Variants in CHD9 observed in about 807,000 individuals in gnomAD.
The protein encoded by CHD9 is ATP-dependent chromatin remodeler CHD9.
CHD9 carries 77 observed loss-of-function variants against 316.1 expected under a neutral mutation model. The ratio of observed to expected loss-of-function variants is 0.24; its 90% CI spans 0.20 to 0.29. The LOEUF (loss-of-function observed/expected upper bound fraction) is 0.29. CHD9 is among the 10% of genes least tolerant of loss of function. The probability of loss-of-function intolerance (pLI) is 1.00; values close to 1 mark genes in which losing one functional copy is unlikely to be tolerated. For synonymous variants in CHD9, 1,129 were observed against 1,158.3 expected (o/e 0.97, Z 0.51); for missense variants, 2,763 against 3,438.1 (o/e 0.80, Z 4.91).
chr16:53,314,624 T>C lies in CHD9; in HGVS notation c.7362+108T>C, dbSNP rs967245070. The stretch of plus-strand genomic sequence containing the variant: ...TTTTATAGACTATTAGTAAGGAAAT[T>C]AGAAGTATGCCATATAATTTTAGAT... On this transcript the variant is annotated intron_variant, in intron 35 of 38. Coordinates refer to ENST00000447540, the MANE Select transcript of CHD9 (RefSeq NM_001308319.2). 5.9e-6 allele frequency: 6 copies of C among 1,012,314 alleles called. No homozygotes were observed. In the Admixed American group the frequency reaches 9.0e-5, roughly 15 times the overall value. 62.7% of individuals were successfully genotyped at this position (1,012,314 alleles called of 1,614,324 possible). A position where few individuals can be genotyped will look rare whatever the true frequency, so the allele number is the denominator to read the frequency against.
Position 53,309,945 on chromosome 16 carries a change from A to C in CHD9, c.7222+1091A>C, listed in dbSNP as rs138671006. ...AAGTACTAGTTGTCAATTCAAGCAA[A>C]TAAGTGTCTTGAATTTCCCTTCCTT... On this transcript the variant is annotated intron_variant, in intron 34 of 38. Coordinates refer to ENST00000447540, the MANE Select transcript of CHD9 (RefSeq NM_001308319.2). 1.9e-3 allele frequency among the ~76,000 whole-genome samples: 286 copies of C among 152,342 alleles called. 1 individual carries two copies. The highest frequency in any genetic ancestry group is 6.8e-3 in the Middle Eastern group (2 of 294).
At chr16:53,139,377 T>TTA in intron 1 of CHD9, among the ~76,000 whole-genome samples, 1 of 152,152 alleles carries the variant, frequency 6.6e-6, no homozygotes, top group Non-Finnish European at 1.5e-5. Context: ...ATTAATAAGG[T>TTA]GCTAATCATA....
At chr16:53,203,641 T>C (rs1421835128) in intron 2 of CHD9, among the ~76,000 whole-genome samples, 1 of 152,204 alleles carries the variant, frequency 6.6e-6, no homozygotes, top group Non-Finnish European at 1.5e-5. Flanking sequence ...AATGCAGTTA[T>C]ATCTCTGTTG....
chr16:53,170,578 CGTGTGTGTGTGTGTGTGTGTGTGTGT>C (rs10593955), intron 2 of CHD9, among the ~76,000 whole-genome samples: 1 of 140,230 alleles, frequency 7.1e-6, no homozygotes, highest in Non-Finnish European at 1.6e-5. Context: ...TTTGTAATTT[CGTGTGTGTGTGTGTGTGTGTGTGTGT>C]GTGTGTGTGT....
chr16:53,065,025 T>C (rs1032829296), intron 1 of CHD9, among the ~76,000 whole-genome samples: 1 of 151,478 alleles, frequency 6.6e-6, no homozygotes, highest in African/African-American at 2.4e-5. Flanking sequence ...GAGAAAGAAA[T>C]CACAAGGGGA....
chr16:53,315,769 G>A (rs887229517), intron 36 of CHD9, among the ~76,000 whole-genome samples: 8 of 151,422 alleles, frequency 5.3e-5, no homozygotes, highest in Admixed American at 2.0e-4. Flanking sequence ...ATGAACCACC[G>A]CACCCAGCCT....
intron 2 of CHD9, 100 bp downstream of exon 2, chr16:53,157,641 T>G (rs1404914475): frequency 5.2e-6 from 6 of 1,155,608 alleles, no homozygotes; most frequent in Non-Finnish European, 7.4e-6. Flanking sequence ...TTTCTCAAAC[T>G]TGGTAATTCC....
At chr16:53,058,667 G>A (rs529545883) in intron 1 of CHD9, among the ~76,000 whole-genome samples, 4 of 152,198 alleles carry the variant, frequency 2.6e-5, no homozygotes, top group East Asian at 1.9e-4. Context: ...CGATTAGCAC[G>A]GTAATCCTGG....
intron 1 of CHD9, among the ~76,000 whole-genome samples, chr16:53,102,529 C>T (rs2036967936): frequency 6.6e-6 from 1 of 152,046 alleles, no homozygotes; most frequent in Non-Finnish European, 1.5e-5. Flanking sequence ...TGAACTGTGA[C>T]ACTCTATACC....
At chr16:53,222,937 G>A (rs896129930) in intron 4 of CHD9, among the ~76,000 whole-genome samples, 182 bp downstream of exon 4, 8 of 152,038 alleles carry the variant, frequency 5.3e-5, no homozygotes, top group Non-Finnish European at 1.0e-4. Context: ...ATTAGATGTG[G>A]GAGGAAACTA....
intron 4 of CHD9, among the ~76,000 whole-genome samples, chr16:53,224,507 C>T (rs1465465498): frequency 6.6e-6 from 1 of 152,082 alleles, no homozygotes; most frequent in Non-Finnish European, 1.5e-5. Flanking sequence ...CAATAAGTAG[C>T]CTTCATTCTA....
At chr16:53,322,452 C>T (rs1417998292) in intron 38 of CHD9, among the ~76,000 whole-genome samples, 1 of 151,412 alleles carries the variant, frequency 6.6e-6, no homozygotes. Flanking sequence ...ACTAAAAATA[C>T]AAAAATTAGC....
intron 1 of CHD9, among the ~76,000 whole-genome samples, chr16:53,154,621 C>G (rs374283157): frequency 6.6e-6 from 1 of 152,118 alleles, no homozygotes. Context: ...TAATTAGATT[C>G]TTATAAGGGA....
Position 53,183,575 on chromosome 16 carries a change from C to G in CHD9, c.1453-25907C>G, listed in dbSNP as rs992835549. Among the ~76,000 whole-genome samples, 9 of 152,116 alleles carry G rather than the reference C, an allele frequency of 5.9e-5. 1 individual carries two copies. Reference sequence around the variant, plus strand: ...ATGTTATATAATTAAACATTAACAACAAAGCAAAATAGTAGCTTTGGAGTT... The same window carrying G: ...ATGTTATATAATTAAACATTAACAAGAAAGCAAAATAGTAGCTTTGGAGTT... On this transcript the variant is annotated intron_variant, in intron 2 of 38. Coordinates refer to ENST00000447540, the MANE Select transcript of CHD9 (RefSeq NM_001308319.2).
intron 2 of CHD9, among the ~76,000 whole-genome samples, chr16:53,164,943 C>G (rs2042173677): frequency 6.6e-6 from 1 of 152,100 alleles, no homozygotes; most frequent in South Asian, 2.1e-4. Context: ...GCATGAGCCA[C>G]CACTCCCAGC....
intron 2 of CHD9, among the ~76,000 whole-genome samples, chr16:53,172,709 C>A (rs2042854935): frequency 6.6e-6 from 1 of 152,152 alleles, no homozygotes; most frequent in Non-Finnish European, 1.5e-5. Context: ...TTAATTTTAG[C>A]CATACTGATA....
At chr16:53,088,435 G>A (rs925569818) in intron 1 of CHD9, among the ~76,000 whole-genome samples, 1 of 151,736 alleles carries the variant, frequency 6.6e-6, no homozygotes, top group African/African-American at 2.4e-5. Flanking sequence ...CTGCCACCAC[G>A]CCTGGCTAAT....
At chr16:53,115,943 A>G (rs2038260447) in intron 1 of CHD9, among the ~76,000 whole-genome samples, 1 of 152,200 alleles carries the variant, frequency 6.6e-6, no homozygotes, top group South Asian at 2.1e-4. Flanking sequence ...GAGGGAAGAG[A>G]AGGTGAAAAG....
intron 22 of CHD9, among the ~76,000 whole-genome samples, chr16:53,270,151 C>T (rs2052098162): frequency 6.7e-6 from 1 of 149,390 alleles, no homozygotes; most frequent in South Asian, 2.1e-4. Context: ...TGTACCATCA[C>T]ACCTGGCTAA....
Sources: allele counts gnomAD v4.1 joint callset (sites outside exome capture counted in the v4.1 genomes callset), GRCh38; gene constraint gnomAD v4.1.1; transcripts MANE v1.5; gene names NCBI Gene and HGNC (gene_info 2026-07-23, HGNC 2026-07-21).